HHAT: variants seen among roughly 807,000 people sequenced by gnomAD.
HHAT encodes the protein protein-cysteine N-palmitoyltransferase HHAT.
HHAT carries 47 observed loss-of-function variants against 70.8 expected under a neutral mutation model. That is an observed-to-expected ratio of 0.66 (90% confidence interval 0.53 to 0.85). The LOEUF is 0.85. Ranked by LOEUF, HHAT falls within the 40% of genes least tolerant of loss-of-function variation. The probability of loss-of-function intolerance (pLI) is 0.00; values close to 1 mark genes in which losing one functional copy is unlikely to be tolerated. For synonymous variants in HHAT, 228 were observed against 247.6 expected (o/e 0.92, Z 0.74); for missense variants, 609 against 604.8 (o/e 1.01, Z -0.07).
At chr1:210,611,903 T>G (rs1666658565) in intron 10 of HHAT, among the ~76,000 whole-genome samples, 2 of 152,192 alleles carry the variant, frequency 1.3e-5, no homozygotes, top group Admixed American at 6.5e-5. Flanking sequence ...CTGGATTTGG[T>G]TTGCTGGTAT....
chr1:210,476,791 C>T (rs374941751), intron 8 of HHAT, among the ~76,000 whole-genome samples: 1 of 146,560 alleles, frequency 6.8e-6, no homozygotes, highest in African/African-American at 2.5e-5. Context: ...ATCAGTTTCT[C>T]CTGGGAGCTT....
At chr1:210,449,538 A>G (rs1316427320) in intron 7 of HHAT, among the ~76,000 whole-genome samples, 1 of 152,130 alleles carries the variant, frequency 6.6e-6, no homozygotes, top group Non-Finnish European at 1.5e-5. Flanking sequence ...TACCTAGTTA[A>G]TTCCTCCAAA....
At chr1:210,589,339 T>C (rs1461634510) in intron 10 of HHAT, 1 of 152,212 alleles carries the variant, frequency 6.6e-6, no homozygotes, top group Non-Finnish European at 1.5e-5. Flanking sequence ...CTCATGTATG[T>C]ATAAAGATAA....
chr1:210,608,408 C>G (rs1057173509), intron 10 of HHAT, among the ~76,000 whole-genome samples: 1 of 152,058 alleles, frequency 6.6e-6, no homozygotes, highest in African/African-American at 2.4e-5. Flanking sequence ...TTTTGGCTAT[C>G]TATTCTGTTG....
chr1:210,452,757 C>G (rs576843649), intron 7 of HHAT, among the ~76,000 whole-genome samples: 3 of 152,160 alleles, frequency 2.0e-5, no homozygotes, highest in African/African-American at 7.2e-5. Flanking sequence ...TGGTGCTTCT[C>G]TATGGTAAAT....
chr1:210,363,005 T>C, intron 3 of HHAT, 86 bp downstream of exon 3: 1 of 1,150,302 alleles, frequency 8.7e-7, no homozygotes, highest in Admixed American at 1.7e-5. Context: ...TCGATCCAGG[T>C]ATCAGATTCA....
At chr1:210,662,764 T>A (rs1678027475) in intron 11 of HHAT, among the ~76,000 whole-genome samples, 1 of 152,124 alleles carries the variant, frequency 6.6e-6, no homozygotes, top group African/African-American at 2.4e-5. Flanking sequence ...GTGGAATGAT[T>A]TTACTTCATG....
At chr1:210,433,905 C>G (rs1389896649) in intron 7 of HHAT, among the ~76,000 whole-genome samples, 1 of 151,942 alleles carries the variant, frequency 6.6e-6, no homozygotes, top group Non-Finnish European at 1.5e-5. Context: ...GTTGTCCACA[C>G]CAGCGTTGTA....
At chr1:210,562,061 A>G (rs1227743596) in intron 9 of HHAT, among the ~76,000 whole-genome samples, 2 of 152,184 alleles carry the variant, frequency 1.3e-5, no homozygotes, top group Admixed American at 1.3e-4. Flanking sequence ...ATCAACCACT[A>G]CAGAGCACTG....
At chr1:210,621,964 G>A (rs114004366) in intron 10 of HHAT, among the ~76,000 whole-genome samples, 93 of 152,300 alleles carry the variant, frequency 6.1e-4, no homozygotes, top group African/African-American at 2.1e-3. Context: ...GAGGGTAGCA[G>A]CCAGATCTGA....
intron 8 of HHAT, among the ~76,000 whole-genome samples, chr1:210,473,105 T>C (rs935295390): frequency 1.3e-5 from 2 of 152,224 alleles, no homozygotes; most frequent in Non-Finnish European, 2.9e-5. Flanking sequence ...CTCTACAGAA[T>C]GTAAATTTCC....
chr1:210,546,940 A>G lies in HHAT; in HGVS notation c.1043+33752A>G, dbSNP rs1309980567. On this transcript the variant is annotated intron_variant, in intron 9 of 11. Coordinates refer to ENST00000261458, the MANE Select transcript of HHAT (RefSeq NM_018194.6). The stretch of plus-strand genomic sequence containing the variant: ...TGGTCGGGTGAAGTGACAGATTGTG[A>G]TGAACTGGGGCCATCACCAGGGCCT... 3.3e-5 allele frequency among the ~76,000 whole-genome samples: 5 copies of G among 152,116 alleles called. No homozygotes were observed. In the East Asian group the frequency reaches 9.6e-4, roughly 29 times the overall value.
Position 210,568,315 on chromosome 1 carries a change from C to A in HHAT, c.1044-19583C>A, listed in dbSNP as rs563827825. 7.9e-5 allele frequency among the ~76,000 whole-genome samples: 12 copies of A among 152,336 alleles called. No homozygotes were observed. The South Asian group carries it at 2.3e-3, about 29-fold the overall frequency. ...TTTTGCTTTATGCATCTCTTCATCTCTATCTTTTGTGATAATCTTTATAAT... is the reference window on the plus strand; with the variant it reads ...TTTTGCTTTATGCATCTCTTCATCTATATCTTTTGTGATAATCTTTATAAT... On this transcript the variant is annotated intron_variant, in intron 9 of 11. Transcript: ENST00000261458.
chr1:210,673,888 G>C (rs956428482), intron 11 of HHAT, among the ~76,000 whole-genome samples: 6 of 150,830 alleles, frequency 4.0e-5, no homozygotes, highest in Non-Finnish European at 8.8e-5. Context: ...TCCCACCTCA[G>C]CCTTCCAAAG....
chr1:210,379,422 A>G (rs1041481401), intron 3 of HHAT, among the ~76,000 whole-genome samples: 3 of 152,238 alleles, frequency 2.0e-5, no homozygotes, highest in Non-Finnish European at 1.5e-5. Flanking sequence ...GTAAATAGTC[A>G]TGGTTGAGTT....
intron 7 of HHAT, among the ~76,000 whole-genome samples, chr1:210,449,658 T>A (rs920513902): frequency 2.0e-5 from 3 of 152,182 alleles, no homozygotes; most frequent in Non-Finnish European, 4.4e-5. Context: ...AGAAGCTGAG[T>A]GTTCCAGTCC....
chr1:210,349,839 C>A (rs75608308), intron 2 of HHAT, among the ~76,000 whole-genome samples: 18,372 of 151,760 alleles, frequency 0.12, 1,557 homozygotes, highest in East Asian at 0.27. Flanking sequence ...TTAGTAGAGA[C>A]GTGGTTTCAC....
intron 9 of HHAT, among the ~76,000 whole-genome samples, chr1:210,525,826 T>G (rs2148618923): frequency 6.6e-6 from 1 of 152,346 alleles, no homozygotes; most frequent in Non-Finnish European, 1.5e-5. Context: ...TAAAAAGCTC[T>G]GAGTCAGCGA....
In HHAT at chr1:210,329,070, A is replaced by G. The variant is rs1333355785; in HGVS notation, c.-78A>G. On this transcript the variant is annotated 5_prime_UTR_variant, in exon 1 of 12. Coordinates refer to ENST00000261458, the MANE Select transcript of HHAT (RefSeq NM_018194.6). Reference sequence around the variant, plus strand: ...TGTTGGGAACTCGCGGCGCGCGTGAACGTTGCCGTCGCCGCCGCCCGGGAC... The same window carrying G: ...TGTTGGGAACTCGCGGCGCGCGTGAGCGTTGCCGTCGCCGCCGCCCGGGAC... 7.0e-7 allele frequency: 1 copy of G among 1,428,894 alleles called. No individual in the cohort carries two copies. The highest frequency in any genetic ancestry group is 2.7e-5 in the Admixed American group (1 of 37,476). 88.5% of individuals were successfully genotyped at this position (1,428,894 alleles called of 1,614,324 possible). A position where few individuals can be genotyped will look rare whatever the true frequency, so the allele number is the denominator to read the frequency against.
Sources: gnomAD v4.1 joint callset for allele counts (sites outside exome capture counted in the v4.1 genomes callset) on GRCh38, gnomAD v4.1.1 for gene constraint, MANE v1.5 for transcripts, NCBI Gene and HGNC (gene_info 2026-07-23, HGNC 2026-07-21) for gene names.